The following DNAH11 variants were observed in gnomAD, a reference collection of about 807,000 sequenced individuals.
The protein encoded by DNAH11 is axonemal beta dynein heavy chain 11.
In DNAH11, 442 loss-of-function variants were observed where a neutral mutation model predicts 526.0. The observed-to-expected ratio is 0.84, with a 90% confidence interval of 0.78 to 0.91. The LOEUF (loss-of-function observed/expected upper bound fraction) is 0.91. Ranked by LOEUF, DNAH11 falls within the 40% of genes least tolerant of loss-of-function variation. The pLI, the probability that DNAH11 is intolerant of heterozygous loss-of-function variation, is 0.00. For synonymous variants in DNAH11, 2,461 were observed against 1,935.9 expected, an observed-to-expected ratio of 1.27 and a Z score of -7.12; for missense variants, 6,989 against 5,448.7, an observed-to-expected ratio of 1.28 and a Z score of -8.90.
chr7:21,697,683 C>G (rs1484638344), intron 35 of DNAH11, among the ~76,000 whole-genome samples: 3 of 152,152 alleles, frequency 2.0e-5, no homozygotes, highest in Non-Finnish European at 4.4e-5. Flanking sequence ...TGGAAATAAG[C>G]AAGTGCTATT....
chr7:21,612,674 A>C (rs548099238), intron 20 of DNAH11, among the ~76,000 whole-genome samples: 1 of 152,290 alleles, frequency 6.6e-6, no homozygotes, highest in East Asian at 1.9e-4. Context: ...AGAAGAATGA[A>C]CACTCAAAAA....
chr7:21,650,211 A>T (rs1211448115), intron 28 of DNAH11, among the ~76,000 whole-genome samples: 1 of 152,206 alleles, frequency 6.6e-6, no homozygotes, highest in Admixed American at 6.5e-5. Context: ...TGATATACGG[A>T]TATGTTTAAG....
intron 44 of DNAH11, 84 bp from the exon 45 acceptor site, chr7:21,725,727 G>T: frequency 7.3e-7 from 1 of 1,379,012 alleles, no homozygotes. Context: ...CTACCCCTAT[G>T]ATATTGTTAC....
intron 31 of DNAH11, among the ~76,000 whole-genome samples, chr7:21,681,904 C>T (rs994518657): frequency 4.6e-5 from 7 of 152,118 alleles, no homozygotes; most frequent in Non-Finnish European, 8.8e-5. Flanking sequence ...AAGTTAGGAA[C>T]ATCAGATCAT....
At chr7:21,871,036 C>T (rs374816369) in intron 73 of DNAH11, among the ~76,000 whole-genome samples, 3 of 152,156 alleles carry the variant, frequency 2.0e-5, no homozygotes, top group African/African-American at 7.2e-5. Flanking sequence ...CATTAAATTA[C>T]ATTAACGTGG....
chr7:21,638,498 A>T (rs1327319649), intron 27 of DNAH11, among the ~76,000 whole-genome samples: 1 of 152,106 alleles, frequency 6.6e-6, no homozygotes, highest in African/African-American at 2.4e-5. Flanking sequence ...GACAGGAGGG[A>T]AGTCACTTGT....
intron 75 of DNAH11, among the ~76,000 whole-genome samples, chr7:21,883,886 T>G (rs1382448322): frequency 6.6e-6 from 1 of 152,034 alleles, no homozygotes; most frequent in Non-Finnish European, 1.5e-5. Context: ...TACAAAATTT[T>G]TAAAAAATTA....
chr7:21,711,770 T>A lies in DNAH11; in HGVS notation c.6893T>A (p.Phe2298Tyr). Residue 2298 changes from phenylalanine (F) to tyrosine (Y), a missense_variant, in exon 42 of 82, where the codon TTT becomes TAT. Coordinates refer to ENST00000409508, the MANE Select transcript of DNAH11 (RefSeq NM_001277115.2). ...CTCACTCCCTTCATGAGGCTTCTGT[T>A]TGAGATACATCACTTAAGGAGCGCA... Reference protein sequence around the residue: ...IALTPFMRLLFEIHHLRSATP... With the variant: ...IALTPFMRLLYEIHHLRSATP... 6.2e-7 allele frequency: 1 copy of A among 1,613,888 alleles called. No individual in the cohort carries two copies. The highest frequency in any genetic ancestry group is 8.5e-7 in the Non-Finnish European group (1 of 1,179,824).
chr7:21,888,290 C>G (rs1784203686), intron 76 of DNAH11, among the ~76,000 whole-genome samples: 1 of 152,130 alleles, frequency 6.6e-6, no homozygotes, highest in Non-Finnish European at 1.5e-5. Flanking sequence ...TGTTTAAATT[C>G]ACAATGAACT....
intron 68 of DNAH11, among the ~76,000 whole-genome samples, chr7:21,861,539 T>C (rs1019511551): frequency 3.9e-5 from 6 of 152,256 alleles, no homozygotes; most frequent in Admixed American, 3.9e-4. Context: ...GTAACTTTTA[T>C]GTTATGTGTA....
chr7:21,899,660 T>C (rs1195409315), intron 80 of DNAH11, among the ~76,000 whole-genome samples: 1 of 151,962 alleles, frequency 6.6e-6, no homozygotes, highest in African/African-American at 2.4e-5. Context: ...GCAGCAAGAG[T>C]AGCCAAGTGA....
chr7:21,671,273 C>G (rs1441129961), intron 30 of DNAH11, among the ~76,000 whole-genome samples: 1 of 152,218 alleles, frequency 6.6e-6, no homozygotes, highest in African/African-American at 2.4e-5. Context: ...TTACAAACCT[C>G]TGGCCAAATC....
rs72658844 is a variant in DNAH11, at chr7:21,901,690, CTTTCAAAA to C, written c.*438_*445del. On this transcript the variant is annotated 3_prime_UTR_variant, in exon 82 of 82. Coordinates refer to ENST00000409508, the MANE Select transcript of DNAH11 (RefSeq NM_001277115.2). ...AAATTAAATTATTAGCCCTTAAACT[CTTTCAAAA>C]TATAAAAGCAGCAGGCCCCAGGTGA... The C allele has an allele frequency of 0.017, 2,614 of 156,458 alleles. 65 individuals are homozygous for C. The highest frequency in any genetic ancestry group is 0.059 in the African/African-American group (2,440 of 41,540). The allele number at this position is 156,458 out of a possible 1,614,324, so 9.7% of individuals were successfully genotyped here.
intron 4 of DNAH11, 88 bp downstream of exon 4, chr7:21,559,880 G>C: frequency 8.8e-7 from 1 of 1,140,836 alleles, no homozygotes; most frequent in African/African-American, 1.6e-5. Context: ...TTAACACACT[G>C]TCTTTGTATA....
Position 21,601,431 on chromosome 7 carries a change from A to G in DNAH11, c.3461A>G (p.Asp1154Gly), listed in dbSNP as rs754139456. 1.2e-6 allele frequency: 2 copies of G among 1,613,312 alleles called. No individual in the cohort carries two copies. The highest frequency in any genetic ancestry group is 1.7e-5 in the Admixed American group (1 of 59,964). Residue 1154 changes from aspartate to glycine, a missense_variant, in exon 18 of 82, where the codon GAT becomes GGT. Coordinates refer to ENST00000409508, the MANE Select transcript of DNAH11 (RefSeq NM_001277115.2). ...NELQEFIKET[D>G]SGLQRELNEG... Reference sequence around the variant, plus strand: ...CTACAAGAATTTATAAAGGAGACAGATTCCGGACTTCAGAGAGAATTAAAT... The same window carrying G: ...CTACAAGAATTTATAAAGGAGACAGGTTCCGGACTTCAGAGAGAATTAAAT...
intron 54 of DNAH11, among the ~76,000 whole-genome samples, chr7:21,759,270 A>G (rs1456658722): frequency 6.6e-6 from 1 of 152,210 alleles, no homozygotes; most frequent in Non-Finnish European, 1.5e-5. Flanking sequence ...CTGATGTCAA[A>G]CATTACCTCT....
Position 21,615,132 on chromosome 7 carries a change from G to A in DNAH11, c.3871G>A (p.Ala1291Thr), listed in dbSNP as rs1369525489. 1.2e-6 allele frequency: 2 copies of A among 1,611,914 alleles called. No homozygotes were observed. Among genetic ancestry groups the A allele is most frequent in the Admixed American group, 1.7e-5 (1 of 59,672 alleles). The change falls in exon 21 of 82, where the codon GCC becomes ACC. Residue 1291 changes from alanine to threonine, a missense_variant. Coordinates refer to ENST00000409508, the MANE Select transcript of DNAH11 (RefSeq NM_001277115.2). Reference protein sequence around the residue: ...ALDKANEELEALEEEMLQMQE... With the variant: ...ALDKANEELETLEEEMLQMQE... Reference sequence around the variant, plus strand: ...TCCTTAGGCAAATGAAGAGCTTGAGGCCTTAGAAGAAGAAATGTTGCAGAT... The same window carrying A: ...TCCTTAGGCAAATGAAGAGCTTGAGACCTTAGAAGAAGAAATGTTGCAGAT...
intron 55 of DNAH11, among the ~76,000 whole-genome samples, chr7:21,773,483 C>A (rs1339048686): frequency 6.6e-6 from 1 of 151,920 alleles, no homozygotes; most frequent in Non-Finnish European, 1.5e-5. Flanking sequence ...AGATAAAAAT[C>A]AAGTTGTGAA....
rs1374738491 is a variant in DNAH11 at position 21,866,371 on chromosome 7, C to T, written c.11497-99C>T. On this transcript the variant is annotated intron_variant, in intron 70 of 81. Coordinates refer to ENST00000409508, the MANE Select transcript of DNAH11 (RefSeq NM_001277115.2). ...AGAGGAGAGTGAATACTATCCAGCA[C>T]AGTTTTTTTACATAAGATTAGATAC... 6.8e-6 allele frequency: 8 copies of T among 1,177,320 alleles called. 1 individual carries two copies. In the Middle Eastern group the frequency reaches 1.3e-3, roughly 197 times the overall value. The allele number at this position is 1,177,320 out of a possible 1,614,324, so 72.9% of individuals were successfully genotyped here.
Sources: gnomAD v4.1 joint callset for allele counts (sites outside exome capture counted in the v4.1 genomes callset) on GRCh38, gnomAD v4.1.1 for gene constraint, MANE v1.5 for transcripts, NCBI Gene and HGNC (gene_info 2026-07-23, HGNC 2026-07-21) for gene names.